TENM3: variants seen among roughly 807,000 people sequenced by gnomAD.
The protein encoded by TENM3 is teneurin transmembrane protein 3.
In TENM3, 63 loss-of-function variants were observed where a neutral mutation model predicts 255.1. The ratio of observed to expected loss-of-function variants is 0.25; its 90% CI spans 0.20 to 0.30. The LOEUF (loss-of-function observed/expected upper bound fraction) is 0.30. TENM3 is among the 10% of genes least tolerant of loss of function. TENM3 has a pLI of 1.00. For missense variants in TENM3, 2,929 were observed against 3,461.1 expected (o/e 0.85, Z 3.86); for synonymous variants, 1,306 against 1,322.3 (o/e 0.99, Z 0.27).
At chr4:181,569,036 A>G in the TENM3 span, among the ~76,000 whole-genome samples, 2 of 152,202 alleles carry the variant, frequency 1.3e-5, no homozygotes, top group South Asian at 4.1e-4. Context: ...CAAGGAGAAA[A>G]GTAATAAAAG....
At chr4:181,821,062 G>C in the TENM3 span, among the ~76,000 whole-genome samples, 1 of 152,160 alleles carries the variant, frequency 6.6e-6, no homozygotes, top group African/African-American at 2.4e-5. Context: ...GAATTCCAGA[G>C]AGAGCCACTC....
chr4:181,777,994 A>G, the TENM3 span, among the ~76,000 whole-genome samples: 1 of 152,088 alleles, frequency 6.6e-6, no homozygotes, highest in African/African-American at 2.4e-5. Flanking sequence ...CCTACCCGTT[A>G]CTTATGCTGT....
chr4:182,307,520 C>G (rs975398241), intron 1 of TENM3, among the ~76,000 whole-genome samples: 1 of 152,178 alleles, frequency 6.6e-6, no homozygotes, highest in African/African-American at 2.4e-5. Context: ...AATTTAGAGT[C>G]CTTTCCTTAA....
chr4:181,891,158 A>G, the TENM3 span, among the ~76,000 whole-genome samples: 1 of 152,236 alleles, frequency 6.6e-6, no homozygotes, highest in Non-Finnish European at 1.5e-5. Context: ...TGAAATTTCA[A>G]TACAACGTTG....
At chr4:182,766,484 T>C (rs1286317636) in intron 22 of TENM3, among the ~76,000 whole-genome samples, 2 of 152,202 alleles carry the variant, frequency 1.3e-5, no homozygotes, top group African/African-American at 2.4e-5. Flanking sequence ...TGCCCTGACT[T>C]GGATGGCTTT....
intron 3 of TENM3, among the ~76,000 whole-genome samples, chr4:182,416,901 T>G (rs1180159348): frequency 6.6e-6 from 1 of 152,222 alleles, no homozygotes; most frequent in African/African-American, 2.4e-5. Context: ...TTTTGATGTT[T>G]TGTCATTCAG....
intron 3 of TENM3, among the ~76,000 whole-genome samples, chr4:182,397,830 G>A (rs1026070652): frequency 2.0e-4 from 30 of 152,114 alleles, no homozygotes; most frequent in Non-Finnish European, 2.2e-4. Flanking sequence ...TGATGCTGCT[G>A]GTCTGGGGAC....
the TENM3 span, among the ~76,000 whole-genome samples, chr4:181,552,631 G>A: frequency 0.29 from 43,602 of 151,956 alleles, 6,535 homozygotes; most frequent in Middle Eastern, 0.39. Context: ...CTTTAGCTTT[G>A]TATGTTTTCT....
At chr4:181,800,039 C>T in the TENM3 span, among the ~76,000 whole-genome samples, 1 of 152,078 alleles carries the variant, frequency 6.6e-6, no homozygotes, top group African/African-American at 2.4e-5. Flanking sequence ...CCAGGATTGC[C>T]AGAGCTTCTG....
At chr4:182,595,724 A>AT (rs947490905) in intron 3 of TENM3, among the ~76,000 whole-genome samples, 3 of 152,134 alleles carry the variant, frequency 2.0e-5, no homozygotes, top group African/African-American at 7.2e-5. Flanking sequence ...CGAGAATTTA[A>AT]TTTTCAGAAA....
At chr4:182,178,533 A>G (rs1752656912) in intron 1 of TENM3, among the ~76,000 whole-genome samples, 1 of 152,188 alleles carries the variant, frequency 6.6e-6, no homozygotes, top group African/African-American at 2.4e-5. Flanking sequence ...TGTGTCTTGC[A>G]TGTTCAGGGA....
chr4:181,697,830 C>T, the TENM3 span, among the ~76,000 whole-genome samples: 5 of 152,320 alleles, frequency 3.3e-5, no homozygotes, highest in East Asian at 9.7e-4. Context: ...GAGAAAATAA[C>T]ATTTATTGAA....
the TENM3 span, among the ~76,000 whole-genome samples, chr4:182,118,893 G>C: frequency 6.6e-6 from 1 of 152,174 alleles, no homozygotes; most frequent in Non-Finnish European, 1.5e-5. Flanking sequence ...GTGCTCATGA[G>C]AGATTTGATC....
At chr4:182,307,345 G>A (rs1762194333) in intron 1 of TENM3, among the ~76,000 whole-genome samples, 1 of 152,122 alleles carries the variant, frequency 6.6e-6, no homozygotes, top group Non-Finnish European at 1.5e-5. Flanking sequence ...GCCCCCTACT[G>A]GTAGTTAGAA....
intron 3 of TENM3, among the ~76,000 whole-genome samples, chr4:182,482,428 A>C (rs1734289587): frequency 6.6e-6 from 1 of 152,128 alleles, no homozygotes; most frequent in Non-Finnish European, 1.5e-5. Flanking sequence ...TGTAATGTGG[A>C]AGGTACCACC....
intron 3 of TENM3, among the ~76,000 whole-genome samples, chr4:182,544,373 T>C (rs1741210142): frequency 7.6e-6 from 1 of 130,890 alleles, no homozygotes; most frequent in African/African-American, 2.8e-5. Flanking sequence ...GCTCTGTCAC[T>C]AGGCTAGAGT....
chr4:182,034,222 C>T, the TENM3 span, among the ~76,000 whole-genome samples: 77 of 152,316 alleles, frequency 5.1e-4, 1 homozygote, highest in South Asian at 7.0e-3. Flanking sequence ...TACCTGGCCC[C>T]ACCCTTAACA....
the TENM3 span, among the ~76,000 whole-genome samples, chr4:181,903,362 A>G: frequency 1.3e-5 from 2 of 152,200 alleles, no homozygotes; most frequent in African/African-American, 4.8e-5. Flanking sequence ...CTAGAATTAT[A>G]TTATGCATAC....
chr4:181,880,897 GC>G, the TENM3 span, among the ~76,000 whole-genome samples: 1 of 152,114 alleles, frequency 6.6e-6, no homozygotes, highest in Non-Finnish European at 1.5e-5. Context: ...AGCCCCCGGG[GC>G]TCTAATAGAG....
Sources: allele counts gnomAD v4.1 joint callset (sites outside exome capture counted in the v4.1 genomes callset), GRCh38; gene constraint gnomAD v4.1.1; transcripts MANE v1.5; gene names NCBI Gene and HGNC (gene_info 2026-07-23, HGNC 2026-07-21).